RFC3: variants seen among roughly 807,000 people sequenced by gnomAD.
RFC3 encodes the protein A1 38 kDa subunit.
RFC3 carries 41 observed loss-of-function variants against 45.1 expected under a neutral mutation model. The observed-to-expected ratio is 0.91, with a 90% CI of 0.71 to 1.18. The LOEUF (loss-of-function observed/expected upper bound fraction) is 1.18, where lower values mean the gene tolerates loss of function less well. RFC3 is among the 50% of genes most tolerant of loss of function. RFC3 has a pLI of 0.00. For missense variants in RFC3, 423 were observed against 428.1 expected (o/e 0.99, Z 0.10); for synonymous variants, 149 against 144.0 (o/e 1.03, Z -0.25).
chr13:33,960,319 TATATGGC>T (rs1374958137), intron 8 of RFC3, among the ~76,000 whole-genome samples: 1 of 152,162 alleles, frequency 6.6e-6, no homozygotes, highest in Non-Finnish European at 1.5e-5. Context: ...CCTGAACAGA[TATATGGC>T]CTTGGGCACA....
chr13:33,907,951 T>C (rs1013842026), intron 8 of RFC3, among the ~76,000 whole-genome samples: 3 of 152,036 alleles, frequency 2.0e-5, no homozygotes, highest in African/African-American at 7.2e-5. Flanking sequence ...TCTTTTTTTT[T>C]CATAGGATAT....
At chr13:33,819,630 CCAT>C (rs2081983371) in intron 1 of RFC3, among the ~76,000 whole-genome samples, 1 of 152,034 alleles carries the variant, frequency 6.6e-6, no homozygotes, top group South Asian at 2.1e-4. Context: ...ACTGCAGTAT[CCAT>C]CATTTATAGA....
At chr13:33,934,863 C>T (rs2082876247) in intron 8 of RFC3, among the ~76,000 whole-genome samples, 2 of 152,108 alleles carry the variant, frequency 1.3e-5, no homozygotes, top group Admixed American at 6.6e-5. Flanking sequence ...TGACTGCAGC[C>T]CAAGCCCCAT....
chr13:33,819,368 C>T (rs1222458797), intron 1 of RFC3, among the ~76,000 whole-genome samples: 2 of 152,220 alleles, frequency 1.3e-5, no homozygotes, highest in African/African-American at 4.8e-5. Context: ...CATTTATCCA[C>T]TCCTTTTAAG....
intron 8 of RFC3, among the ~76,000 whole-genome samples, chr13:33,853,660 A>G (rs2137513310): frequency 6.6e-6 from 1 of 152,304 alleles, no homozygotes; most frequent in African/African-American, 2.4e-5. Flanking sequence ...TTAGACCAAC[A>G]TACAAGGGGC....
chr13:33,959,387 G>A (rs1472568119), intron 8 of RFC3, among the ~76,000 whole-genome samples: 1 of 152,076 alleles, frequency 6.6e-6, no homozygotes, highest in Non-Finnish European at 1.5e-5. Flanking sequence ...CTTCCCTCAA[G>A]GCCCCTGTGA....
At chr13:33,965,406 A>G (rs989405809) in intron 8 of RFC3, among the ~76,000 whole-genome samples, 15 of 152,224 alleles carry the variant, frequency 9.9e-5, no homozygotes, top group Non-Finnish European at 7.3e-5. Flanking sequence ...CATACTGTAC[A>G]GGTTTGTAGC....
rs1566038448 is a variant in RFC3 at position 33,946,140 on chromosome 13, ATTGCTGTGT to A, written c.880-19942_880-19934del. Among the ~76,000 whole-genome samples the A allele has an allele frequency of 2.6e-5, 4 of 152,326 alleles. No individual in the cohort carries two copies. In the South Asian group the frequency reaches 6.2e-4, roughly 24 times the overall value. On this transcript the variant is annotated intron_variant, in intron 8 of 8. Coordinates refer to the RFC3 transcript ENST00000434425. ...GGAGAATCCCTGTCTGTAGAGTACA[ATTGCTGTGT>A]TTGCCTTCCCAGTAGCACTTTCCCA...
intron 4 of RFC3, among the ~76,000 whole-genome samples, chr13:33,827,943 C>A (rs2082065794): frequency 1.3e-5 from 2 of 151,498 alleles, no homozygotes; most frequent in South Asian, 4.2e-4. Flanking sequence ...AAATATATGA[C>A]ACTTTACTTA....
chr13:33,935,778 C>T (rs914218220), intron 8 of RFC3, among the ~76,000 whole-genome samples: 23 of 152,298 alleles, frequency 1.5e-4, no homozygotes, highest in Admixed American at 2.6e-4. Flanking sequence ...TAGCATTTCA[C>T]CTGGTCTGTT....
chr13:33,839,225 A>G (rs976313177), downstream of RFC3, among the ~76,000 whole-genome samples: 1 of 152,164 alleles, frequency 6.6e-6, no homozygotes, highest in African/African-American at 2.4e-5. Flanking sequence ...TTCCACTTCT[A>G]GGATCTCTCA....
At chr13:33,891,219 A>G (rs953174322) in intron 8 of RFC3, among the ~76,000 whole-genome samples, 7 of 152,262 alleles carry the variant, frequency 4.6e-5, no homozygotes, top group South Asian at 2.1e-4. Context: ...ATTTTTAAGC[A>G]TTCATTATGC....
At chr13:33,898,194 C>T (rs1476542812) in intron 8 of RFC3, among the ~76,000 whole-genome samples, 3 of 151,980 alleles carry the variant, frequency 2.0e-5, no homozygotes, top group African/African-American at 7.2e-5. Context: ...CACCCAACGG[C>T]TGCAGAATAC....
At chr13:33,858,815 A>G (rs1043031507) in intron 8 of RFC3, among the ~76,000 whole-genome samples, 4 of 152,228 alleles carry the variant, frequency 2.6e-5, no homozygotes, top group African/African-American at 7.2e-5. Context: ...GGAAATGAAC[A>G]TGGTAGGCTT....
At chr13:33,858,216 T>G (rs1337421092) in intron 8 of RFC3, among the ~76,000 whole-genome samples, 1 of 152,152 alleles carries the variant, frequency 6.6e-6, no homozygotes, top group Non-Finnish European at 1.5e-5. Flanking sequence ...GCCAAATGAC[T>G]TCTCCATTTC....
chr13:33,900,493 C>T (rs1377478649), intron 8 of RFC3, among the ~76,000 whole-genome samples: 1 of 147,872 alleles, frequency 6.8e-6, no homozygotes, highest in Non-Finnish European at 1.5e-5. Flanking sequence ...AAGAATGAAA[C>T]TAGATTCCTA....
chr13:33,917,193 C>T (rs2137720487), intron 8 of RFC3, among the ~76,000 whole-genome samples: 1 of 152,242 alleles, frequency 6.6e-6, no homozygotes, highest in Middle Eastern at 3.4e-3. Flanking sequence ...AGGCAGTTTC[C>T]CTGCCAGCCC....
intron 8 of RFC3, among the ~76,000 whole-genome samples, chr13:33,877,640 T>C (rs2137586056): frequency 6.6e-6 from 1 of 151,262 alleles, no homozygotes; most frequent in East Asian, 1.9e-4. Context: ...TGTTATTACA[T>C]AGTAGTTTAT....
At chr13:33,950,042 T>C (rs2082979084) in intron 8 of RFC3, among the ~76,000 whole-genome samples, 1 of 146,282 alleles carries the variant, frequency 6.8e-6, no homozygotes, top group Non-Finnish European at 1.5e-5. Context: ...GCTTTCTCTC[T>C]CTCTTTCTCC....
Sources: gnomAD v4.1 joint callset for allele counts (sites outside exome capture counted in the v4.1 genomes callset) on GRCh38, gnomAD v4.1.1 for gene constraint, MANE v1.5 for transcripts, NCBI Gene and HGNC (gene_info 2026-07-23, HGNC 2026-07-21) for gene names.